TM9SF1: variants seen among roughly 807,000 people sequenced by gnomAD.
TM9SF1 encodes MP70 protein family member.
TM9SF1 carries 25 observed loss-of-function variants against 52.4 expected under a neutral mutation model. The ratio of observed to expected loss-of-function variants is 0.48; its 90% CI spans 0.35 to 0.67. TM9SF1 has a LOEUF of 0.67. Ranked by LOEUF, TM9SF1 falls within the 30% of genes least tolerant of loss-of-function variation. The pLI, the probability that TM9SF1 is intolerant of heterozygous loss-of-function variation, is 0.01. For missense variants in TM9SF1, 604 were observed against 780.3 expected (o/e 0.77, Z 2.69); for synonymous variants, 284 against 299.8 (o/e 0.95, Z 0.55).
rs1344469632 is a variant in TM9SF1, at chr14:24,192,706, G to A, written c.909C>T (p.Tyr303=). The A allele has an allele frequency of 6.2e-7, 1 of 1,610,924 alleles. No homozygotes were observed. The highest frequency in any genetic ancestry group is 1.7e-5 in the Admixed American group (1 of 59,892). Residue 303 remains tyrosine, a synonymous_variant, in exon 3 of 6, where the codon TAC becomes TAT. Coordinates refer to ENST00000261789, the MANE Select transcript of TM9SF1 (RefSeq NM_006405.7). The surrounding 1 kb of genome is among the most constrained non-coding windows in gnomAD (Gnocchi z 4.0). The part of the protein sequence containing the change: ...IHTDVFRFPP[Y]RGLLCAVLGV... ...CAAGCACAGCACAGAGCAGACCACG[G>A]TATGGGGGGAAGCGGAAGACATCTG...
In TM9SF1 at chr14:24,190,466, G is replaced by A; in HGVS notation, c.1341C>T (p.Thr447=). The A allele has an allele frequency of 1.2e-6, 2 of 1,614,126 alleles. No homozygotes were observed. The highest frequency in any genetic ancestry group is 1.7e-6 in the Non-Finnish European group (2 of 1,179,976). ...GTGGAATCTCCCGGGCGATGTTCTT[G>A]GTGCGACAGGGTGCATCAAAGGGGC... is the stretch of plus-strand genomic sequence containing the variant. ...NASPFDAPCR[T]KNIAREIPPQ... Residue 447 remains threonine (T), a synonymous_variant, in exon 5 of 6, where the codon ACC becomes ACT. Transcript: ENST00000261789.
rs1180564723 is a variant in TM9SF1 at position 24,189,787 on chromosome 14, G to A, written c.1449C>T (p.Tyr483=). The A allele has an allele frequency of 1.2e-6, 2 of 1,611,434 alleles. No homozygotes were observed. The highest frequency in any genetic ancestry group is 2.7e-5 in the African/African-American group (2 of 74,824). The change falls in exon 6 of 6, where the codon TAC becomes TAT. Residue 483 remains tyrosine (Y), a synonymous_variant. Coordinates refer to ENST00000261789, the MANE Select transcript of TM9SF1 (RefSeq NM_006405.7). ...LPFSAISVEL[Y]YIFATVWGRE... ...GACCCCATACTGTGGCAAAGATGTA[G>A]TACAGCTCCACAGAGATGGCACTGT...
At position 24,189,278 on chromosome 14, in the gene TM9SF1, G is replaced by C. The variant is rs1315117936; in HGVS notation, c.*137C>G. On this transcript the variant is annotated 3_prime_UTR_variant, in exon 6 of 6. Transcript: ENST00000261789. ...TTTATAATTTCCAGGCCCTCTCTGG[G>C]GAAGGAATGCCCAAAGGGCAAAAGG... is the stretch of plus-strand genomic sequence containing the variant. 2 of 906,744 alleles carry C rather than the reference G, an allele frequency of 2.2e-6. No individual in the cohort carries two copies. The highest frequency in any genetic ancestry group is 3.3e-5 in the African/African-American group (2 of 60,278). 56.2% of individuals were successfully genotyped at this position (906,744 alleles called of 1,614,324 possible). A position where few individuals can be genotyped will look rare whatever the true frequency, so the allele number is the denominator to read the frequency against.
At chr14:24,190,315 G>A in intron 5 of TM9SF1, 65 bp downstream of exon 5, 3 of 1,529,828 alleles carry the variant, frequency 2.0e-6, no homozygotes, top group Non-Finnish European at 2.6e-6. Flanking sequence ...TACTGGATGA[G>A]TAGGGACAGG....
In TM9SF1 at chr14:24,189,162, A is replaced by G; in HGVS notation, c.*253T>C. Reference sequence around the variant, plus strand: ...ACTGCATGAGCCTTTTTCTTAATAAATTTTATTTTGGTAATTGTAAAAAGA... The same window carrying G: ...ACTGCATGAGCCTTTTTCTTAATAAGTTTTATTTTGGTAATTGTAAAAAGA... On this transcript the variant is annotated 3_prime_UTR_variant, in exon 6 of 6. Transcript: ENST00000261789. The G allele has an allele frequency of 2.1e-6, 1 of 473,634 alleles. No individual in the cohort carries two copies. The highest frequency in any genetic ancestry group is 3.7e-6 in the Non-Finnish European group (1 of 271,796). The allele number at this position is 473,634 out of a possible 1,614,324, so 29.3% of individuals were successfully genotyped here.
chr14:24,191,317 T>C (rs945111942), intron 4 of TM9SF1, among the ~76,000 whole-genome samples: 1 of 152,296 alleles, frequency 6.6e-6, no homozygotes, highest in Non-Finnish European at 1.5e-5. Flanking sequence ...AGACATTCCT[T>C]TGGATTAAGG....
intron 4 of TM9SF1, chr14:24,191,657 G>C (rs2039324396): frequency 6.5e-6 from 1 of 154,748 alleles, no homozygotes; most frequent in South Asian, 1.9e-4. Flanking sequence ...TTATTGCTGA[G>C]TGCTTTCCAC....
intron 5 of TM9SF1, chr14:24,190,120 C>T: frequency 7.3e-7 from 1 of 1,366,326 alleles, no homozygotes; most frequent in Non-Finnish European, 9.4e-7. Flanking sequence ...GCTTTAAACC[C>T]CACATGATGT....
In TM9SF1 at chr14:24,193,243, T is replaced by C. The variant is rs764174730; in HGVS notation, c.372A>G (p.Glu124=). The C allele has an allele frequency of 3.1e-6, 5 of 1,608,384 alleles. No homozygotes were observed. Among genetic ancestry groups the C allele is most frequent in the Non-Finnish European group, 4.3e-6 (5 of 1,176,228 alleles). ...CCACAAATTCAAAGTAGTACAGTTCTTCAATGGCCTGGCGCAGCTGCTCCA... is the reference window on the plus strand; with the variant it reads ...CCACAAATTCAAAGTAGTACAGTTCCTCAATGGCCTGGCGCAGCTGCTCCA... ...AQVEQLRQAI[E]ELYYFEFVVD... Residue 124 remains glutamate, a synonymous_variant, in exon 3 of 6, where the codon GAA becomes GAG. Transcript: ENST00000261789.
chr14:24,192,310 A>G lies in TM9SF1; in HGVS notation c.1014T>C (p.His338=), dbSNP rs750867563. ...ALLGMFNVHR[H]GAINSAAILL... is the part of the protein sequence containing the mutation. ...AGATGGCTGCTGAGTTAATGGCCCC[A>G]TGACGGTGCACATTGAACATGCCCA... Residue 338 remains histidine (H), a synonymous_variant, in exon 4 of 6, where the codon CAT becomes CAC. Coordinates refer to ENST00000261789, the MANE Select transcript of TM9SF1 (RefSeq NM_006405.7). This position sits in a 1 kb window ranked among gnomAD's most constrained non-coding sequence, Gnocchi z 4.0. 8 of 1,614,042 alleles carry G rather than the reference A, an allele frequency of 5.0e-6. No homozygotes were observed. Among genetic ancestry groups the G allele is most frequent in the Non-Finnish European group, 6.8e-6 (8 of 1,180,044 alleles).
rs1419659830 is a variant in TM9SF1 at position 24,189,492 on chromosome 14, GGAA to G, written c.1741_1743del (p.Phe581del). The G allele has an allele frequency of 6.2e-6, 10 of 1,614,190 alleles. No homozygotes were observed. The highest frequency in any genetic ancestry group is 8.5e-6 in the Non-Finnish European group (10 of 1,180,030). On this transcript the variant is annotated inframe_deletion, in exon 6 of 6. Coordinates refer to ENST00000261789, the MANE Select transcript of TM9SF1 (RefSeq NM_006405.7). ...AAAAAGGAGATGGTGCCCAGCATGA[GGAA>G]GAAGACATAACCAGTGAGTAAGGAG...
chr14:24,192,911 T>C lies in TM9SF1; in HGVS notation c.704A>G (p.His235Arg), dbSNP rs760030713. The C allele has an allele frequency of 3.7e-6, 6 of 1,614,000 alleles. No individual in the cohort carries two copies. The highest frequency in any genetic ancestry group is 2.7e-5 in the African/African-American group (2 of 74,908). Residue 235 changes from histidine to arginine, a missense_variant, in exon 3 of 6, where the codon CAT (histidine) becomes CGT (arginine). By Grantham distance (29) the His-to-Arg change is conservative. This residue lies in a region of TM9SF1 where 450 missense variants were observed against 560.1 expected (regional missense o/e 0.80). Transcript: ENST00000261789. This position sits in a 1 kb window ranked among gnomAD's most constrained non-coding sequence, Gnocchi z 4.0. The part of the protein sequence containing the change: ...GGFFPRTLEI[H>R]WLSIINSMVL... ...CATGGAGTTGATGATGGACAACCAA[T>C]GGATTTCCAGTGTTCGAGGAAAGAA...
rs557307298 is a variant in TM9SF1 at position 24,192,535 on chromosome 14, C to T, written c.967+113G>A. The T allele has an allele frequency of 1.4e-6, 2 of 1,427,280 alleles. No homozygotes were observed. Among genetic ancestry groups the T allele is most frequent in the African/African-American group, 1.4e-5 (1 of 70,190 alleles). 88.4% of individuals were successfully genotyped at this position (1,427,280 alleles called of 1,614,324 possible). On this transcript the variant is annotated intron_variant, in intron 3 of 5. Transcript: ENST00000261789. This position sits in a 1 kb window ranked among gnomAD's most constrained non-coding sequence, Gnocchi z 4.0. ...GCATTCTTGCTAGAGCCACCCTATC[C>T]CTTAGGTCTGCCCCTCTGGATAGAA... is the stretch of plus-strand genomic sequence containing the variant.
Position 24,192,828 on chromosome 14 carries a change from T to G in TM9SF1, c.787A>C (p.Asn263His). Reference sequence around the variant, plus strand: ...TCTAAGTTGTACCGAGCCAGGTCATTCCGAAGCACACGCATTAGAATGACA... The same window carrying G: ...TCTAAGTTGTACCGAGCCAGGTCATGCCGAAGCACACGCATTAGAATGACA... ...VAVILMRVLR[N>H]DLARYNLDEE... The change falls in exon 3 of 6, where the codon AAT becomes CAT. Residue 263 changes from asparagine (N) to histidine (H), a missense_variant. Physicochemically the swap from Asn to His is moderately conservative, Grantham distance 68. Around this residue, in one of 3 missense-constraint regions of TM9SF1, gnomAD observed 450 missense variants for 560.1 expected, o/e 0.80. Coordinates refer to ENST00000261789, the MANE Select transcript of TM9SF1 (RefSeq NM_006405.7). This position sits in a 1 kb window ranked among gnomAD's most constrained non-coding sequence, Gnocchi z 4.0. 7 of 1,613,676 alleles carry G rather than the reference T, an allele frequency of 4.3e-6. No individual in the cohort carries two copies. Among genetic ancestry groups the G allele is most frequent in the Non-Finnish European group, 5.9e-6 (7 of 1,179,728 alleles).
In TM9SF1 at chr14:24,193,254, G is replaced by C; in HGVS notation, c.361C>G (p.Gln121Glu). The C allele has an allele frequency of 6.2e-7, 1 of 1,602,278 alleles. No homozygotes were observed. The highest frequency in any genetic ancestry group is 2.2e-5 in the East Asian group (1 of 44,700). Residue 121 changes from glutamine (Q) to glutamate (E), a missense_variant, in exon 3 of 6, where the codon CAG (glutamine) becomes GAG (glutamate). This residue lies in a region of TM9SF1 where 450 missense variants were observed against 560.1 expected (regional missense o/e 0.80). Transcript: ENST00000261789. ...AAGTAGTACAGTTCTTCAATGGCCT[G>C]GCGCAGCTGCTCCACCTATAAAGAG... ...LSSAQVEQLR[Q>E]AIEELYYFEF...
At position 24,192,927 on chromosome 14, in the gene TM9SF1, G is replaced by C. The variant is rs754020328; in HGVS notation, c.688C>G (p.Arg230Gly). Residue 230 changes from arginine (R) to glycine (G), a missense_variant, in exon 3 of 6, where the codon CGA becomes GGA. This residue lies in a region of TM9SF1 where 450 missense variants were observed against 560.1 expected (regional missense o/e 0.80). Coordinates refer to ENST00000261789, the MANE Select transcript of TM9SF1 (RefSeq NM_006405.7). The surrounding 1 kb of genome is among the most constrained non-coding windows in gnomAD (Gnocchi z 4.0). The stretch of plus-strand genomic sequence containing the variant: ...GACAACCAATGGATTTCCAGTGTTC[G>C]AGGAAAGAAACCACCATCGTCACCA... ...RRGDDGGFFP[R>G]TLEIHWLSII... 6.2e-7 allele frequency: 1 copy of C among 1,614,100 alleles called. No individual in the cohort carries two copies. The highest frequency in any genetic ancestry group is 8.5e-7 in the Non-Finnish European group (1 of 1,180,002).
At chr14:24,193,715 T>C (rs1220449722) in intron 2 of TM9SF1, among the ~76,000 whole-genome samples, 3 of 149,412 alleles carry the variant, frequency 2.0e-5, no homozygotes, top group Admixed American at 1.3e-4. Context: ...GGTCAGGAGA[T>C]CGAGACCATC....
At chr14:24,191,524 C>G (rs532121892) in intron 4 of TM9SF1, among the ~76,000 whole-genome samples, 1 of 152,282 alleles carries the variant, frequency 6.6e-6, no homozygotes, top group East Asian at 1.9e-4. Context: ...GGTGAGAATA[C>G]AAGTCAGACT....
chr14:24,194,605 A>G (rs1053322733), intron 2 of TM9SF1, 70 bp downstream of exon 2: 4 of 1,396,324 alleles, frequency 2.9e-6, no homozygotes, highest in Non-Finnish European at 4.0e-6. Flanking sequence ...GGTACCCTGA[A>G]CCATAAATGT....
Sources: allele counts gnomAD v4.1 joint callset (sites outside exome capture counted in the v4.1 genomes callset), GRCh38; gene constraint gnomAD v4.1.1; regional missense constraint gnomAD v4.1.1; non-coding constraint Gnocchi (gnomAD v3.1); transcripts MANE v1.5; gene names NCBI Gene and HGNC (gene_info 2026-07-23, HGNC 2026-07-21).